The following CELSR2 variants were observed in gnomAD, a reference collection of about 807,000 sequenced individuals.
CELSR2 encodes cadherin EGF LAG seven-pass G-type receptor 2.
In CELSR2, 81 loss-of-function variants were observed where a neutral mutation model predicts 251.6. That is an observed-to-expected ratio of 0.32 (90% CI 0.27 to 0.39). The LOEUF (loss-of-function observed/expected upper bound fraction) is 0.39. CELSR2 is among the 10% of genes least tolerant of loss of function. The pLI is 1.00. For synonymous variants in CELSR2, 1,721 were observed against 1,670.5 expected (o/e 1.03, Z -0.74); for missense variants, 3,365 against 3,947.7 (o/e 0.85, Z 3.96).
chr1:109,273,465 A>T lies in CELSR2; in HGVS notation c.8539A>T (p.Ile2847Phe), dbSNP rs1656433533. Residue 2847 changes from isoleucine (I) to phenylalanine (F), a missense_variant, in exon 33 of 34, where the codon ATC becomes TTC. By Grantham distance (21) the Ile-to-Phe change is conservative. This residue lies in a region of CELSR2 where 2,093 missense variants were observed against 2,382.8 expected (regional missense o/e 0.88). Transcript: ENST00000271332. The stretch of plus-strand genomic sequence containing the variant: ...CCTTAAGAAGAAGTGTCTGCCCACC[A>T]TCAGCGAGAAGAGCAGCCTCCTGCG... Reference protein sequence around the residue: ...GILKKKCLPTISEKSSLLRLP... With the variant: ...GILKKKCLPTFSEKSSLLRLP... 1.9e-6 allele frequency: 3 copies of T among 1,612,430 alleles called. No homozygotes were observed. Among genetic ancestry groups the T allele is most frequent in the Non-Finnish European group, 2.5e-6 (3 of 1,179,504 alleles).
chr1:109,267,131 A>C (rs547896543), intron 15 of CELSR2, among the ~76,000 whole-genome samples: 5 of 152,200 alleles, frequency 3.3e-5, no homozygotes, highest in African/African-American at 1.2e-4. Flanking sequence ...TCAGCTCACC[A>C]CCGAGTCCTG....
chr1:109,262,579 T>A (rs1656048869), intron 6 of CELSR2, 135 bp downstream of exon 6: 1 of 1,380,426 alleles, frequency 7.2e-7, no homozygotes, highest in Non-Finnish European at 9.7e-7. Flanking sequence ...GGGGATGGGG[T>A]CAAGACTGGG....
chr1:109,267,020 C>T (rs1389997711), intron 15 of CELSR2, among the ~76,000 whole-genome samples: 7 of 152,142 alleles, frequency 4.6e-5, no homozygotes, highest in African/African-American at 1.4e-4. Flanking sequence ...CGTGCCCAGC[C>T]CACATCTTGG....
At chr1:109,259,201 G>A in intron 2 of CELSR2, 122 bp downstream of exon 2, 2 of 896,632 alleles carry the variant, frequency 2.2e-6, no homozygotes, top group Non-Finnish European at 3.3e-6. Context: ...CAGCTACACT[G>A]AGAGGTCATA....
Position 109,262,827 on chromosome 1 carries a change from C to T in CELSR2, c.4566C>T (p.Pro1522=), listed in dbSNP as rs915326383. The T allele has an allele frequency of 1.9e-6, 3 of 1,613,302 alleles. No homozygotes were observed. Among genetic ancestry groups the T allele is most frequent in the South Asian group, 1.1e-5 (1 of 91,082 alleles). ...CCAGGTCTCTGGATCTGACGGGGCC[C>T]CTGCTACTAGGCGGGGTGCCTGACC... ...GSKKSLDLTG[P]LLLGGVPDLP... The change falls in exon 7 of 34, where the codon CCC becomes CCT. Residue 1522 remains proline (P), a synonymous_variant. Coordinates refer to ENST00000271332, the MANE Select transcript of CELSR2 (RefSeq NM_001408.3).
chr1:109,264,484 G>A lies in CELSR2; in HGVS notation c.5320G>A (p.Val1774Ile). Residue 1774 changes from valine (V) to isoleucine (I), a missense_variant, in exon 11 of 34, where the codon GTT becomes ATT. Around this residue, in one of 5 missense-constraint regions of CELSR2, gnomAD observed 2,093 missense variants for 2,382.8 expected, o/e 0.88. Transcript: ENST00000271332. Reference sequence around the variant, plus strand: ...GCGGGTGAGCGATACGCCGGAGGGGGTTAACAGCCTGGATCCCAGCCATGG... The same window carrying A: ...GCGGGTGAGCGATACGCCGGAGGGGATTAACAGCCTGGATCCCAGCCATGG... ...GVRVSDTPEGVNSLDPSHGES... is the reference protein window; with the variant it reads ...GVRVSDTPEGINSLDPSHGES... The A allele has an allele frequency of 6.2e-7, 1 of 1,613,964 alleles. No homozygotes were observed. The highest frequency in any genetic ancestry group is 8.5e-7 in the Non-Finnish European group (1 of 1,179,896).
chr1:109,263,886 T>G, intron 9 of CELSR2, 109 bp downstream of exon 9: 1 of 1,434,898 alleles, frequency 7.0e-7, no homozygotes, highest in Non-Finnish European at 9.3e-7. Context: ...TGGGGACATA[T>G]AGAGGCCGCT....
chr1:109,271,336 C>G lies in CELSR2; in HGVS notation c.7676+40C>G, dbSNP rs372895424. The G allele has an allele frequency of 3.1e-4, 497 of 1,613,744 alleles. 4 individuals carry two copies. The highest frequency in any genetic ancestry group is 3.8e-4 in the South Asian group (35 of 91,078). ...GGGGTGCCTGGGCCATGGGCAGGCA[C>G]CAGCATGGGAGGTCTCATGGCCGGA... On this transcript the variant is annotated intron_variant, in intron 26 of 33. Coordinates refer to ENST00000271332, the MANE Select transcript of CELSR2 (RefSeq NM_001408.3).
At position 109,250,346 on chromosome 1, in the gene CELSR2, C is replaced by T. The variant is rs1451319810; in HGVS notation, c.267C>T (p.Gly89=). ...LTGHLVPHHD[G]LRVWCPESEA... is the part of the protein sequence containing the mutation. ...GCCACCTGGTACCCCACCACGATGG[C>T]CTGAGGGTTTGGTGTCCAGAATCCG... is the stretch of plus-strand genomic sequence containing the variant. Residue 89 remains glycine (G), a synonymous_variant, in exon 1 of 34, where the codon GGC becomes GGT. Coordinates refer to ENST00000271332, the MANE Select transcript of CELSR2 (RefSeq NM_001408.3). This position sits in a 1 kb window ranked among gnomAD's most constrained non-coding sequence, Gnocchi z 4.4. 2 of 1,613,502 alleles carry T rather than the reference C, an allele frequency of 1.2e-6. No homozygotes were observed. The highest frequency in any genetic ancestry group is 1.7e-6 in the Non-Finnish European group (2 of 1,180,016).
At chr1:109,265,989 G>A in intron 14 of CELSR2, 71 bp downstream of exon 14, 3 of 1,582,654 alleles carry the variant, frequency 1.9e-6, no homozygotes, top group Non-Finnish European at 1.7e-6. Context: ...GGAAAGCCAG[G>A]AAGGGGCTGG....
At position 109,265,874 on chromosome 1, in the gene CELSR2, G is replaced by A. The variant is rs1424899620; in HGVS notation, c.5867G>A (p.Arg1956His). ...KPGVIGRQCD[R>H]CDNPFAEVTT... ...GGTGTCATCGGGCGTCAGTGTGACC[G>A]CTGTGACAACCCTTTTGCTGAGGTC... Residue 1956 changes from arginine (R) to histidine (H), a missense_variant, in exon 14 of 34, where the codon CGC becomes CAC. Physicochemically the swap from Arg to His is conservative, Grantham distance 29. Around this residue, in one of 5 missense-constraint regions of CELSR2, gnomAD observed 2,093 missense variants for 2,382.8 expected, o/e 0.88. Coordinates refer to ENST00000271332, the MANE Select transcript of CELSR2 (RefSeq NM_001408.3). 22 of 1,613,816 alleles carry A rather than the reference G, an allele frequency of 1.4e-5. No homozygotes were observed. Among genetic ancestry groups the A allele is most frequent in the East Asian group, 8.9e-5 (4 of 44,880 alleles).
At position 109,250,274 on chromosome 1, in the gene CELSR2, C is replaced by T. The variant is rs1392193176; in HGVS notation, c.195C>T (p.Leu65=). Residue 65 remains leucine (L), a synonymous_variant, in exon 1 of 34, where the codon CTC becomes CTT. Transcript: ENST00000271332. The surrounding 1 kb of genome is among the most constrained non-coding windows in gnomAD (Gnocchi z 4.4). ...GWLCPSSASN[L]WLYTSRCRDA... ...TCTGTCCATCCTCAGCGTCGAACCT[C>T]TGGCTCTACACCAGCCGCTGCAGGG... The T allele has an allele frequency of 6.2e-7, 1 of 1,612,990 alleles. No homozygotes were observed.
rs201477574 is a variant in CELSR2, at chr1:109,270,545, C to T, written c.7428C>T (p.Thr2476=). 3.1e-5 allele frequency: 50 copies of T among 1,614,162 alleles called. No homozygotes were observed. Among genetic ancestry groups the T allele is most frequent in the Middle Eastern group, 3.3e-4 (2 of 6,062 alleles). Reference sequence around the variant, plus strand: ...TCACTGAGGTGCGCGATGTCAACACCGGCCCCATGCGCTTCTACTACATGC... The same window carrying T: ...TCACTGAGGTGCGCGATGTCAACACTGGCCCCATGCGCTTCTACTACATGC... ...RALTEVRDVN[T]GPMRFYYMLG... Residue 2476 remains threonine (T), a synonymous_variant, in exon 24 of 34, where the codon ACC becomes ACT. Coordinates refer to ENST00000271332, the MANE Select transcript of CELSR2 (RefSeq NM_001408.3).
chr1:109,258,759 G>A lies in CELSR2; in HGVS notation c.3638G>A (p.Arg1213His), dbSNP rs865994758. The A allele has an allele frequency of 2.5e-6, 4 of 1,585,606 alleles. No individual in the cohort carries two copies. The highest frequency in any genetic ancestry group is 3.4e-6 in the Non-Finnish European group (4 of 1,166,222). Residue 1213 changes from arginine to histidine, a missense_variant, in exon 2 of 34, where the codon CGC becomes CAC. Physicochemically the swap from Arg to His is conservative, Grantham distance 29. Transcript: ENST00000271332. Reference sequence around the variant, plus strand: ...CTGCAGGAGCGCCTATACCTCAACCGCAGCCTGCTGACGGCCATCTCGGCA... The same window carrying A: ...CTGCAGGAGCGCCTATACCTCAACCACAGCCTGCTGACGGCCATCTCGGCA... ...EDLQERLYLN[R>H]SLLTAISAQR...
chr1:109,269,189 C>G lies in CELSR2; in HGVS notation c.6711C>G (p.His2237Gln), dbSNP rs774171570. 3 of 1,612,584 alleles carry G rather than the reference C, an allele frequency of 1.9e-6. No individual in the cohort carries two copies. The highest frequency in any genetic ancestry group is 2.5e-6 in the Non-Finnish European group (3 of 1,179,728). Residue 2237 changes from histidine (H) to glutamine (Q), a missense_variant, in exon 20 of 34, where the codon CAC becomes CAG. Physicochemically the swap from His to Gln is conservative, Grantham distance 24. Coordinates refer to ENST00000271332, the MANE Select transcript of CELSR2 (RefSeq NM_001408.3). This position sits in a 1 kb window ranked among gnomAD's most constrained non-coding sequence, Gnocchi z 6.4. ...AGCTGGCACGGCGACAGCGACGGCA[C>G]CCGGAGCTGAGCCAGGGTGAGGCTG... is the stretch of plus-strand genomic sequence containing the variant. The part of the protein sequence containing the change: ...PEELARRQRR[H>Q]PELSQGEAVA...
rs1656405934 is a variant in CELSR2, at chr1:109,272,679, C to T, written c.8094C>T (p.Gly2698=). 1 of 1,613,856 alleles carries T rather than the reference C, an allele frequency of 6.2e-7. No homozygotes were observed. Residue 2698 remains glycine (G), a synonymous_variant, in exon 30 of 34, where the codon GGC becomes GGT. Coordinates refer to ENST00000271332, the MANE Select transcript of CELSR2 (RefSeq NM_001408.3). ...SALNPGQGPP[G]LGDPGSLFLE... is the part of the protein sequence containing the mutation. The stretch of plus-strand genomic sequence containing the variant: ...TGAACCCTGGCCAAGGGCCCCCTGG[C>T]CTGGGGGATCCAGGCAGCCTGTTCC...
chr1:109,250,322 C>G lies in CELSR2; in HGVS notation c.243C>G (p.Gly81=). The change falls in exon 1 of 34, where the codon GGC becomes GGG. Residue 81 remains glycine (G), a synonymous_variant. Coordinates refer to ENST00000271332, the MANE Select transcript of CELSR2 (RefSeq NM_001408.3). The surrounding 1 kb of genome is among the most constrained non-coding windows in gnomAD (Gnocchi z 4.4). ...RCRDAGTELT[G]HLVPHHDGLR... Reference sequence around the variant, plus strand: ...GGGATGCGGGCACTGAGCTGACTGGCCACCTGGTACCCCACCACGATGGCC... The same window carrying G: ...GGGATGCGGGCACTGAGCTGACTGGGCACCTGGTACCCCACCACGATGGCC... The G allele has an allele frequency of 6.2e-7, 1 of 1,613,454 alleles. No homozygotes were observed. The highest frequency in any genetic ancestry group is 1.1e-5 in the South Asian group (1 of 91,084).
At chr1:109,270,885 C>T (rs751354654) in intron 24 of CELSR2, 42 bp from the exon 25 acceptor site, 9 of 1,453,796 alleles carry the variant, frequency 6.2e-6, no homozygotes, top group Middle Eastern at 3.6e-4. Flanking sequence ...TCCCAGGCCC[C>T]TCATCACCCC....
In CELSR2 at chr1:109,264,358, G is replaced by C. The variant is rs927238797; in HGVS notation, c.5282G>C (p.Cys1761Ser). ...GGTGTGGCCCGTGGCTTTCGGGGCTGTTTGCAGGTGAGTGTCCTGCCCTGC... is the reference window on the plus strand; with the variant it reads ...GGTGTGGCCCGTGGCTTTCGGGGCTCTTTGCAGGTGAGTGTCCTGCCCTGC... ...AGGVARGFRGCLQGVRVSDTP... is the reference protein window; with the variant it reads ...AGGVARGFRGSLQGVRVSDTP... The change falls in exon 10 of 34, where the codon TGT (cysteine) becomes TCT (serine). Residue 1761 changes from cysteine to serine, a missense_variant. Cys to Ser is a moderately radical substitution (Grantham distance 112, BLOSUM62 -1). This residue lies in a region of CELSR2 where 2,093 missense variants were observed against 2,382.8 expected (regional missense o/e 0.88). Coordinates refer to ENST00000271332, the MANE Select transcript of CELSR2 (RefSeq NM_001408.3). The C allele has an allele frequency of 1.2e-6, 2 of 1,607,108 alleles. No homozygotes were observed. Among genetic ancestry groups the C allele is most frequent in the Non-Finnish European group, 1.7e-6 (2 of 1,174,830 alleles).
Sources: allele counts gnomAD v4.1 joint callset (sites outside exome capture counted in the v4.1 genomes callset), GRCh38; gene constraint gnomAD v4.1.1; regional missense constraint gnomAD v4.1.1; non-coding constraint Gnocchi (gnomAD v3.1); transcripts MANE v1.5; gene names NCBI Gene and HGNC (gene_info 2026-07-23, HGNC 2026-07-21).